The following PLXNA4 variants were observed in gnomAD, a reference collection of about 807,000 sequenced individuals.
PLXNA4 encodes the protein plexin-A4.
A neutral mutation model predicts 191.8 loss-of-function variants in PLXNA4; 44 were observed. The observed-to-expected ratio is 0.23, with a 90% CI of 0.18 to 0.29. PLXNA4 has a LOEUF of 0.29. Ranked by LOEUF, PLXNA4 falls within the 10% of genes least tolerant of loss-of-function variation. PLXNA4 has a pLI of 1.00. For synonymous variants in PLXNA4, 1,082 were observed against 1,009.5 expected (o/e 1.07, Z -1.36); for missense variants, 1,800 against 2,488.8 (o/e 0.72, Z 5.89).
chr7:132,317,732 G>A (rs899278202), intron 3 of PLXNA4, among the ~76,000 whole-genome samples: 1 of 152,184 alleles, frequency 6.6e-6, no homozygotes, highest in South Asian at 2.1e-4. Context: ...CCATGACCAG[G>A]TTGTGTGCAA....
intron 1 of PLXNA4, among the ~76,000 whole-genome samples, chr7:132,570,542 T>C (rs954290090): frequency 1.3e-5 from 2 of 152,234 alleles, no homozygotes; most frequent in African/African-American, 4.8e-5. Context: ...TCAGTGAGTA[T>C]GTCAGATAAG....
chr7:132,233,756 C>G (rs1180027815), intron 5 of PLXNA4, among the ~76,000 whole-genome samples: 2 of 152,268 alleles, frequency 1.3e-5, no homozygotes, highest in African/African-American at 2.4e-5. Context: ...ATAATCAGCT[C>G]AGATGCTGGG....
chr7:132,437,427 CACAG>C (rs1315391570), intron 3 of PLXNA4, among the ~76,000 whole-genome samples: 4 of 152,102 alleles, frequency 2.6e-5, no homozygotes, highest in Non-Finnish European at 5.9e-5. Flanking sequence ...CAAGCACGTG[CACAG>C]ACACACACAT....
chr7:132,332,496 C>T (rs1482687543), intron 3 of PLXNA4, among the ~76,000 whole-genome samples: 4 of 152,036 alleles, frequency 2.6e-5, no homozygotes, highest in Non-Finnish European at 5.9e-5. Flanking sequence ...GGGAAGTTGG[C>T]CAAAATCTTA....
chr7:132,355,449 AAGGGGTGAGCCCCACTGGCTGTG>A (rs1341141776), intron 3 of PLXNA4, among the ~76,000 whole-genome samples: 1 of 152,234 alleles, frequency 6.6e-6, no homozygotes, highest in Non-Finnish European at 1.5e-5. Context: ...CATTAGCTGA[AAGGGGTGAGCCCCACTGGCTGTG>A]AGCAAAAAGT....
chr7:132,165,544 G>A (rs945396698), intron 22 of PLXNA4, among the ~76,000 whole-genome samples: 3 of 152,086 alleles, frequency 2.0e-5, no homozygotes, highest in East Asian at 1.9e-4. Context: ...GGCAACCACC[G>A]GCCACACATA....
chr7:132,278,249 T>A (rs1453787114), intron 4 of PLXNA4, among the ~76,000 whole-genome samples: 1 of 151,894 alleles, frequency 6.6e-6, no homozygotes, highest in Non-Finnish European at 1.5e-5. Flanking sequence ...ACAGACACTA[T>A]CTTTTTGCAC....
intron 4 of PLXNA4, among the ~76,000 whole-genome samples, chr7:132,262,613 G>A (rs1222963127): frequency 6.6e-6 from 1 of 152,150 alleles, no homozygotes; most frequent in Non-Finnish European, 1.5e-5. Flanking sequence ...TTATGTACAT[G>A]TCAGGTTCCC....
intron 3 of PLXNA4, among the ~76,000 whole-genome samples, chr7:132,378,448 AT>A (rs1243268441): frequency 4.6e-5 from 7 of 152,088 alleles, no homozygotes; most frequent in Non-Finnish European, 1.0e-4. Flanking sequence ...ATCCCTAGAG[AT>A]TAGAAAGGCC....
chr7:132,637,085 G>T (rs1331851361), intron 2 of PLXNA4, among the ~76,000 whole-genome samples: 1 of 152,138 alleles, frequency 6.6e-6, no homozygotes, highest in Admixed American at 6.5e-5. Context: ...GAGATAGATG[G>T]CTCTAAAAGT....
chr7:132,579,731 C>T (rs1208847158), upstream of PLXNA4, among the ~76,000 whole-genome samples: 1 of 152,074 alleles, frequency 6.6e-6, no homozygotes, highest in Non-Finnish European at 1.5e-5. Context: ...CGAGCTCTCC[C>T]GTTGTTAATG....
rs139401052 is a variant in PLXNA4 at position 132,241,287 on chromosome 7, T to C, written c.1504-121A>G. ...CTGAAATGTTGCAGGAGCATGAAGG[T>C]GCTTGGAGCCCAGTGTGGGAAGGGA... On this transcript the variant is annotated intron_variant, in intron 4 of 31. Transcript: ENST00000321063. 769 of 675,246 alleles carry C rather than the reference T, an allele frequency of 1.1e-3. 11 individuals carry two copies. In the African/African-American group the frequency reaches 0.012, roughly 11 times the overall value. 41.8% of individuals were successfully genotyped at this position (675,246 alleles called of 1,614,324 possible).
At chr7:132,426,136 T>C (rs1254455841) in intron 3 of PLXNA4, among the ~76,000 whole-genome samples, 4 of 152,148 alleles carry the variant, frequency 2.6e-5, no homozygotes, top group African/African-American at 9.7e-5. Flanking sequence ...GGGAGATCAG[T>C]GTACAACTGG....
chr7:132,207,691 C>T (rs907134436), intron 10 of PLXNA4, among the ~76,000 whole-genome samples: 1 of 152,226 alleles, frequency 6.6e-6, no homozygotes, highest in Non-Finnish European at 1.5e-5. Context: ...ACCAATTTAT[C>T]ACCCACCTCC....
rs148526000 is a variant in PLXNA4, at chr7:132,426,057, C to G, written c.1371+63235G>C. On this transcript the variant is annotated intron_variant, in intron 3 of 31. Coordinates refer to ENST00000321063, the MANE Select transcript of PLXNA4 (RefSeq NM_020911.2). Reference sequence around the variant, plus strand: ...GGTGGCACAGGGCAGTTTCTGGTTGCTCCCAGCCTCTGCCACTGCTGTGGA... The same window carrying G: ...GGTGGCACAGGGCAGTTTCTGGTTGGTCCCAGCCTCTGCCACTGCTGTGGA... Among the ~76,000 whole-genome samples, 283 of 152,346 alleles carry G rather than the reference C, an allele frequency of 1.9e-3. 5 individuals are homozygous for G. Among genetic ancestry groups the G allele is most frequent in the Middle Eastern group, 3.4e-3 (1 of 294 alleles).
chr7:132,141,746 T>C (rs1795276804), intron 29 of PLXNA4, among the ~76,000 whole-genome samples: 1 of 152,170 alleles, frequency 6.6e-6, no homozygotes, highest in Non-Finnish European at 1.5e-5. Context: ...TTTTTCTTTC[T>C]TTCAATGGAG....
chr7:132,528,014 A>G (rs545640712), intron 1 of PLXNA4, among the ~76,000 whole-genome samples: 1 of 152,334 alleles, frequency 6.6e-6, no homozygotes, highest in South Asian at 2.1e-4. Flanking sequence ...CCAGGTCTCC[A>G]CTGAAAAAGC....
chr7:132,412,384 T>C (rs562686626), intron 3 of PLXNA4, among the ~76,000 whole-genome samples: 3 of 152,240 alleles, frequency 2.0e-5, no homozygotes, highest in East Asian at 3.9e-4. Flanking sequence ...GTCAGGTGCA[T>C]TGCCCTCATG....
At position 132,226,181 on chromosome 7, in the gene PLXNA4, G is replaced by A; in HGVS notation, c.1962C>T (p.Tyr654=). The stretch of plus-strand genomic sequence containing the variant: ...CTTACGAATTGTGGACGCTGCAATT[G>A]TAGAAGACAAAGCTGGTGCTGGCGA... The part of the protein sequence containing the change: ...MTFASTSFVF[Y]NCSVHNSCLS... The change falls in exon 8 of 32, where the codon TAC becomes TAT. Residue 654 remains tyrosine (Y), a synonymous_variant. Coordinates refer to ENST00000321063, the MANE Select transcript of PLXNA4 (RefSeq NM_020911.2). 1 of 1,613,950 alleles carries A rather than the reference G, an allele frequency of 6.2e-7. No individual in the cohort carries two copies. The highest frequency in any genetic ancestry group is 2.2e-5 in the East Asian group (1 of 44,880).
Sources: allele counts gnomAD v4.1 joint callset (sites outside exome capture counted in the v4.1 genomes callset), GRCh38; gene constraint gnomAD v4.1.1; transcripts MANE v1.5; gene names NCBI Gene and HGNC (gene_info 2026-07-23, HGNC 2026-07-21).